Variants in SMIM35 observed in about 807,000 individuals in gnomAD.
SMIM35 encodes small integral membrane protein 35.
At chr11:118,077,227 G>A in intron 1 of SMIM35, 1 of 1,556,418 alleles carries the variant, frequency 6.4e-7, no homozygotes, top group Non-Finnish European at 8.7e-7. Context: ...ACCTGTGTGG[G>A]GAGGCCCTCC....
chr11:118,007,332 CA>C (rs1430091208), intron 4 of SMIM35, among the ~76,000 whole-genome samples: 38 of 152,358 alleles, frequency 2.5e-4, no homozygotes, highest in African/African-American at 8.9e-4. Flanking sequence ...AACACAGCAT[CA>C]GGGGCTCAGA....
At chr11:118,013,320 G>A (rs1366270641) in intron 4 of SMIM35, among the ~76,000 whole-genome samples, 1 of 152,236 alleles carries the variant, frequency 6.6e-6, no homozygotes, top group Non-Finnish European at 1.5e-5. Context: ...GCAGGCAAGG[G>A]AACGTGTGGC....
intron 1 of SMIM35, among the ~76,000 whole-genome samples, chr11:118,058,914 G>A (rs1432099086): frequency 1.3e-5 from 2 of 152,224 alleles, no homozygotes; most frequent in African/African-American, 4.8e-5. Flanking sequence ...GCAGGAGAGA[G>A]GTCAAAAAGG....
intron 1 of SMIM35, among the ~76,000 whole-genome samples, chr11:118,040,676 T>C (rs1943985776): frequency 6.6e-6 from 1 of 152,096 alleles, no homozygotes; most frequent in Non-Finnish European, 1.5e-5. Context: ...CTAGTAACAA[T>C]TTTTTTAATG....
chr11:118,085,767 G>T (rs1449331191), intron 1 of SMIM35, among the ~76,000 whole-genome samples: 1 of 152,240 alleles, frequency 6.6e-6, no homozygotes, highest in South Asian at 2.1e-4. Flanking sequence ...GCCCTCTCGA[G>T]TCCCCTCCAG....
At chr11:118,084,360 G>A (rs906112656) in intron 1 of SMIM35, among the ~76,000 whole-genome samples, 1 of 152,246 alleles carries the variant, frequency 6.6e-6, no homozygotes, top group African/African-American at 2.4e-5. Flanking sequence ...AGTTATGTGA[G>A]TGGGCAGGAA....
intron 1 of SMIM35, among the ~76,000 whole-genome samples, chr11:118,023,125 C>T (rs1482886278): frequency 1.3e-5 from 2 of 151,878 alleles, no homozygotes; most frequent in African/African-American, 4.8e-5. Context: ...TCAAATATTA[C>T]CAGGCACTCA....
At chr11:118,031,884 T>A (rs996445120) in intron 1 of SMIM35, 2 of 151,692 alleles carry the variant, frequency 1.3e-5, no homozygotes, top group Non-Finnish European at 2.9e-5. Flanking sequence ...ATGCCAGTAA[T>A]CCTAGTGCTT....
At chr11:118,009,666 T>C (rs1264370611) in intron 4 of SMIM35, among the ~76,000 whole-genome samples, 1 of 151,886 alleles carries the variant, frequency 6.6e-6, no homozygotes, top group Non-Finnish European at 1.5e-5. Context: ...CTTTTAATTG[T>C]TTACTGAGCA....
At chr11:118,029,663 G>T in intron 1 of SMIM35, 1 of 457,348 alleles carries the variant, frequency 2.2e-6, no homozygotes, top group Non-Finnish European at 4.4e-6. Flanking sequence ...TCTAGCATCA[G>T]TTGGGTCTAG....
chr11:118,039,903 G>A (rs1943972095), intron 1 of SMIM35, among the ~76,000 whole-genome samples: 1 of 151,858 alleles, frequency 6.6e-6, no homozygotes, highest in Admixed American at 6.6e-5. Context: ...AAATTAGCCG[G>A]GTGTGGTGGC....
chr11:118,031,705 T>C (rs920296423), intron 1 of SMIM35: 8 of 152,064 alleles, frequency 5.3e-5, no homozygotes, highest in Non-Finnish European at 7.4e-5. Context: ...AAAGTACTTA[T>C]TAATTACAAA....
chr11:118,054,417 T>C (rs768437218), intron 1 of SMIM35, among the ~76,000 whole-genome samples: 1 of 152,216 alleles, frequency 6.6e-6, no homozygotes, highest in Non-Finnish European at 1.5e-5. Flanking sequence ...GACAGCTGCA[T>C]TTTTGGTGAT....
intron 1 of SMIM35, among the ~76,000 whole-genome samples, chr11:118,063,020 C>T (rs1292850568): frequency 2.0e-5 from 3 of 152,166 alleles, no homozygotes; most frequent in Middle Eastern, 3.4e-3. Context: ...CTCCCACCAG[C>T]GCCAAGACGG....
intron 4 of SMIM35, among the ~76,000 whole-genome samples, chr11:118,011,261 A>ACCTGGGT (rs1359121845): frequency 1.3e-5 from 2 of 152,140 alleles, no homozygotes; most frequent in Admixed American, 6.5e-5. Context: ...GGCCAGGGCC[A>ACCTGGGT]CCTGGGTCCT....
At chr11:118,015,916 C>T (rs950255298) in intron 1 of SMIM35, 107 bp from the exon 2 acceptor site, 28 of 398,352 alleles carry the variant, frequency 7.0e-5, no homozygotes, top group African/African-American at 5.7e-4. Context: ...ACATAACTGT[C>T]CCCTGGGAGC....
intron 1 of SMIM35, among the ~76,000 whole-genome samples, chr11:118,063,231 A>T (rs969022305): frequency 3.9e-5 from 6 of 152,134 alleles, no homozygotes; most frequent in Admixed American, 3.3e-4. Flanking sequence ...TTCCCTTTGC[A>T]CCGCAGACTT....
chr11:118,037,890 G>A (rs538219283), intron 1 of SMIM35, among the ~76,000 whole-genome samples: 71 of 152,226 alleles, frequency 4.7e-4, no homozygotes, highest in Non-Finnish European at 1.3e-4. Flanking sequence ...GCACACCTAG[G>A]GCACACCGAG....
chr11:118,085,368 C>T (rs1416921986), intron 1 of SMIM35, among the ~76,000 whole-genome samples: 1 of 151,966 alleles, frequency 6.6e-6, no homozygotes, highest in Non-Finnish European at 1.5e-5. Context: ...GGATTACAGG[C>T]ACCTGCCACC....
Sources: gnomAD v4.1 joint callset for allele counts (sites outside exome capture counted in the v4.1 genomes callset) on GRCh38, gnomAD v4.1.1 for gene constraint, MANE v1.5 for transcripts, NCBI Gene and HGNC (gene_info 2026-07-23, HGNC 2026-07-21) for gene names.